SLC4A11: variants seen among roughly 807,000 people sequenced by gnomAD.
The protein encoded by SLC4A11 is bicarbonate transporter related protein 1.
A neutral mutation model predicts 95.0 loss-of-function variants in SLC4A11; 74 were observed. The ratio of observed to expected loss-of-function variants is 0.78; its 90% CI spans 0.65 to 0.95. SLC4A11 has a LOEUF of 0.95. Ranked by LOEUF, SLC4A11 falls within the 40% of genes least tolerant of loss-of-function variation. The pLI, the probability that SLC4A11 is intolerant of heterozygous loss-of-function variation, is 0.00. For synonymous variants in SLC4A11, 548 were observed against 519.0 expected (o/e 1.06, Z -0.76); for missense variants, 1,081 against 1,192.4 (o/e 0.91, Z 1.38).
chr20:3,238,830 A>C, intron 1 of SLC4A11: 1 of 1,185,574 alleles, frequency 8.4e-7, no homozygotes, highest in Non-Finnish European at 1.0e-6. Context: ...GACCCGCTGC[A>C]TCAGCTGTTC....
Position 3,229,746 on chromosome 20 carries a change from A to G in SLC4A11, c.1520T>C (p.Leu507Ser), listed in dbSNP as rs2067689096. 6.2e-7 allele frequency: 1 copy of G among 1,613,882 alleles called. No homozygotes were observed. Among genetic ancestry groups the G allele is most frequent in the African/African-American group, 1.3e-5 (1 of 74,930 alleles). ...AGTCCTTTTTGTGTGATAGTCGTCC[A>G]AGTAATGCCCATAGTAGTACTTCCA... is the stretch of plus-strand genomic sequence containing the variant. ...IFWKYYYGHY[L>S]DDYHTKRTSS... Residue 507 changes from leucine to serine, a missense_variant, in exon 14 of 20, where the codon TTG becomes TCG. Leu to Ser is a moderately radical substitution (Grantham distance 145). Coordinates refer to ENST00000642402, the MANE Select transcript of SLC4A11 (RefSeq NM_001174089.2).
In SLC4A11 at chr20:3,233,920, C is replaced by T; in HGVS notation, c.605+1G>A. 1.2e-6 allele frequency: 2 copies of T among 1,612,780 alleles called. No individual in the cohort carries two copies. Among genetic ancestry groups the T allele is most frequent in the Non-Finnish European group, 8.5e-7 (1 of 1,180,006 alleles). On this transcript the variant is annotated splice_donor_variant, in intron 6 of 19. Coordinates refer to ENST00000642402, the MANE Select transcript of SLC4A11 (RefSeq NM_001174089.2). LOFTEE classifies it high-confidence loss of function. ...GGGGGCCAAGTGGCCTGGCAACTCA[C>T]ATGATGCAGAGCCACGACTGCTGGT...
At chr20:3,238,761 G>C (rs975295175) in intron 1 of SLC4A11, 6 of 1,102,116 alleles carry the variant, frequency 5.4e-6, no homozygotes, top group Admixed American at 1.0e-4. Context: ...AAAGCTCGGC[G>C]CTCGGGGCGC....
rs563772399 is a variant in SLC4A11, at chr20:3,235,003, C to A, written c.89-109G>T. The A allele has an allele frequency of 1.1e-5, 15 of 1,408,082 alleles. No individual in the cohort carries two copies. In the African/African-American group the frequency reaches 1.4e-4, roughly 13 times the overall value. 87.2% of individuals were successfully genotyped at this position (1,408,082 alleles called of 1,614,324 possible). A position where few individuals can be genotyped will look rare whatever the true frequency, so the allele number is the denominator to read the frequency against. ...CCCCTGGACTGTCCCACTCTCGGGC[C>A]GTGGTGGGAGAGGCCATCCCATAGG... On this transcript the variant is annotated intron_variant, in intron 2 of 19. Coordinates refer to ENST00000642402, the MANE Select transcript of SLC4A11 (RefSeq NM_001174089.2).
chr20:3,235,305 T>TCACA (rs2067938800), intron 2 of SLC4A11, among the ~76,000 whole-genome samples: 29 of 109,814 alleles, frequency 2.6e-4, no homozygotes, highest in Admixed American at 8.7e-4. Context: ...TCTCTCTCTC[T>TCACA]CTCTCACACA....
Position 3,229,593 on chromosome 20 carries a change from G to T in SLC4A11, c.1673C>A (p.Ala558Asp). The T allele has an allele frequency of 6.2e-7, 1 of 1,612,616 alleles. No individual in the cohort carries two copies. Among genetic ancestry groups the T allele is most frequent in the African/African-American group, 1.3e-5 (1 of 75,034 alleles). Residue 558 changes from alanine to aspartate, a missense_variant, in exon 14 of 20, where the codon GCC (alanine) becomes GAC (aspartate). By Grantham distance (126) the Ala-to-Asp change is moderately radical. Transcript: ENST00000642402. ...CAGCATGATGAGGAGGCTGAGCACG[G>T]CGGTCGCCTGGCCTGAGTGTGTGGC... Reference protein sequence around the residue: ...PSATHSGQATAVLSLLIMLGT... With the variant: ...PSATHSGQATDVLSLLIMLGT...
At chr20:3,227,955 G>A (rs1486969688) in intron 19 of SLC4A11, 99 bp from the exon 20 acceptor site, 1 of 1,136,930 alleles carries the variant, frequency 8.8e-7, no homozygotes. Context: ...GCCAGGCTAG[G>A]CCTCTCCTCC....
Position 3,231,644 on chromosome 20 carries a change from T to C in SLC4A11, c.730-96A>G. The C allele has an allele frequency of 8.7e-7, 1 of 1,152,786 alleles. No homozygotes were observed. Among genetic ancestry groups the C allele is most frequent in the African/African-American group, 1.5e-5 (1 of 65,114 alleles). 71.4% of individuals were successfully genotyped at this position (1,152,786 alleles called of 1,614,324 possible). On this transcript the variant is annotated intron_variant, in intron 7 of 19. Transcript: ENST00000642402. This position sits in a 1 kb window ranked among gnomAD's most constrained non-coding sequence, Gnocchi z 5.2. ...CTCTCCCCATGAACTGGCAGCAGGT[T>C]TTTTGTCTGTTTGTTTTTTGTGTTT...
At position 3,231,164 on chromosome 20, in the gene SLC4A11, A is replaced by AG; in HGVS notation, c.1026dup (p.Asp344GlyfsTer4). ...GGCCACGTACCATCAGTGAAGTCCAAGGGGTACAAGGGGAACCTGCGTGCG... is the reference window on the plus strand; with the variant it reads ...GGCCACGTACCATCAGTGAAGTCCAAGGGGGTACAAGGGGAACCTGCGTGCG... On this transcript the variant is annotated frameshift_variant, in exon 9 of 20. Coordinates refer to ENST00000642402, the MANE Select transcript of SLC4A11 (RefSeq NM_001174089.2). LOFTEE classifies it high-confidence loss of function. The surrounding 1 kb of genome is among the most constrained non-coding windows in gnomAD (Gnocchi z 5.2). The AG allele has an allele frequency of 6.2e-7, 1 of 1,614,186 alleles. No individual in the cohort carries two copies. The highest frequency in any genetic ancestry group is 8.5e-7 in the Non-Finnish European group (1 of 1,180,034).
At chr20:3,229,060 G>GGGGGCC in intron 16 of SLC4A11, 35 bp downstream of exon 16, 13 of 1,542,058 alleles carry the variant, frequency 8.4e-6, no homozygotes, top group East Asian at 2.4e-5. Context: ...AGAGGCCCGG[G>GGGGGCC]CCCCGCCCAC....
chr20:3,237,621 T>G (rs1185786635), intron 1 of SLC4A11, 33 bp from the exon 2 acceptor site: 1 of 1,614,074 alleles, frequency 6.2e-7, no homozygotes, highest in East Asian at 2.2e-5. Flanking sequence ...ACCAGCCCCA[T>G]GGACCAAGCC....
At chr20:3,229,069 A>AC in intron 16 of SLC4A11, 26 bp downstream of exon 16, 1 of 193,710 alleles carries the variant, frequency 5.2e-6, no homozygotes, top group East Asian at 1.8e-4. Context: ...GGCCCCGCCC[A>AC]CCCCACCCTC....
At chr20:3,230,908 C>G in intron 10 of SLC4A11, 25 bp downstream of exon 10, 1 of 1,612,042 alleles carries the variant, frequency 6.2e-7, no homozygotes, top group Non-Finnish European at 8.5e-7. Context: ...ATACCCCCAC[C>G]CACCGCCCAC....
intron 7 of SLC4A11, 139 bp downstream of exon 7, chr20:3,233,375 A>T: frequency 7.9e-7 from 1 of 1,273,418 alleles, no homozygotes; most frequent in Non-Finnish European, 1.1e-6. Flanking sequence ...CATGTTTCTG[A>T]CACACCCACA....
intron 2 of SLC4A11, among the ~76,000 whole-genome samples, chr20:3,235,307 T>TCACACACACACA (rs1425800280): frequency 2.7e-5 from 3 of 110,894 alleles, no homozygotes; most frequent in Non-Finnish European, 5.5e-5. Context: ...TCTCTCTCTC[T>TCACACACACACA]CTCACACACA....
chr20:3,235,836 C>T (rs2067964840), intron 2 of SLC4A11, among the ~76,000 whole-genome samples: 1 of 152,092 alleles, frequency 6.6e-6, no homozygotes, highest in Admixed American at 6.5e-5. Flanking sequence ...GGTCAGCACC[C>T]TAGGCATGCA....
In SLC4A11 at chr20:3,237,595, G is replaced by A. The variant is rs779027436; in HGVS notation, c.44-7C>T. 37 of 1,613,916 alleles carry A rather than the reference G, an allele frequency of 2.3e-5. No individual in the cohort carries two copies. Among genetic ancestry groups the A allele is most frequent in the Non-Finnish European group, 2.9e-5 (34 of 1,180,004 alleles). ...GACATGGTGGGAGAGTTTTCTGCAAGGGAAGCAGAAAGGTCACCAGCCCCA... is the reference window on the plus strand; with the variant it reads ...GACATGGTGGGAGAGTTTTCTGCAAAGGAAGCAGAAAGGTCACCAGCCCCA... On this transcript the variant is annotated splice_polypyrimidine_tract_variant and splice_region_variant and intron_variant, in intron 1 of 19. Transcript: ENST00000642402.
intron 1 of SLC4A11, chr20:3,237,876 C>A (rs543492597): frequency 1.3e-6 from 2 of 1,550,798 alleles, no homozygotes; most frequent in Non-Finnish European, 1.7e-6. Context: ...GTCTTCCCAC[C>A]GAGTTAGTAC....
rs1446025623 is a variant in SLC4A11 at position 3,233,626 on chromosome 20, T to C, written c.617A>G (p.Lys206Arg). The C allele has an allele frequency of 1.6e-5, 26 of 1,612,836 alleles. No individual in the cohort carries two copies. Among genetic ancestry groups the C allele is most frequent in the Non-Finnish European group, 2.0e-5 (24 of 1,180,006 alleles). The change falls in exon 7 of 20, where the codon AAG becomes AGG. Residue 206 changes from lysine to arginine, a missense_variant. By Grantham distance (26) the Lys-to-Arg change is conservative. Transcript: ENST00000642402. Reference protein sequence around the residue: ...QSWLCIICTMKALQKRHVCIS... With the variant: ...QSWLCIICTMRALQKRHVCIS... ...GCACACGTGCCGCTTCTGTAGGGCCTTCATGGTACAGCTGGCAGGGGCGGG... is the reference window on the plus strand; with the variant it reads ...GCACACGTGCCGCTTCTGTAGGGCCCTCATGGTACAGCTGGCAGGGGCGGG...
Sources: gnomAD v4.1 joint callset for allele counts (sites outside exome capture counted in the v4.1 genomes callset) on GRCh38, gnomAD v4.1.1 for gene constraint, Gnocchi (gnomAD v3.1) non-coding constraint, MANE v1.5 for transcripts, NCBI Gene and HGNC (gene_info 2026-07-23, HGNC 2026-07-21) for gene names.